Variants in BMP2K observed in about 807,000 individuals in gnomAD.
BMP2K encodes BMP-2-inducible protein kinase.
BMP2K carries 74 observed loss-of-function variants against 116.0 expected under a neutral mutation model. That is an observed-to-expected ratio of 0.64 (90% CI 0.53 to 0.77). BMP2K has a LOEUF of 0.77. Among genes scored for constraint, BMP2K ranks in the 30% least tolerant of loss-of-function variants. BMP2K has a pLI of 0.00. For missense variants in BMP2K, 1,365 were observed against 1,403.6 expected, an observed-to-expected ratio of 0.97 and a Z score of 0.44; for synonymous variants, 486 against 502.5, an observed-to-expected ratio of 0.97 and a Z score of 0.44.
At chr4:78,837,589 A>G (rs1577913788) in intron 3 of BMP2K, among the ~76,000 whole-genome samples, 1 of 152,164 alleles carries the variant, frequency 6.6e-6, no homozygotes, top group Non-Finnish European at 1.5e-5. Context: ...TTCTTGTTTT[A>G]GCTGCAAATC....
intron 1 of BMP2K, among the ~76,000 whole-genome samples, chr4:78,781,117 A>G (rs1727482959): frequency 6.6e-6 from 1 of 152,216 alleles, no homozygotes; most frequent in South Asian, 2.1e-4. Flanking sequence ...TGATGTTGGC[A>G]AGGTGACCAG....
At chr4:78,904,995 T>C (rs1446869665) in intron 15 of BMP2K, among the ~76,000 whole-genome samples, 1 of 151,908 alleles carries the variant, frequency 6.6e-6, no homozygotes, top group African/African-American at 2.4e-5. Context: ...AAAGAAAATT[T>C]AACTCTATAT....
Position 78,870,832 on chromosome 4 carries a change from T to G in BMP2K, c.1281T>G (p.Pro427=), listed in dbSNP as rs1459629461. Reference sequence around the variant, plus strand: ...CTGAAATTTTATTGGGTCAGGGACCTCCTCAGCAGCCGCCACAGCAGCATA... The same window carrying G: ...CTGAAATTTTATTGGGTCAGGGACCGCCTCAGCAGCCGCCACAGCAGCATA... ...NGPEILLGQG[P]PQQPPQQHRV... The change falls in exon 11 of 16, where the codon CCT becomes CCG. Residue 427 remains proline (P), a synonymous_variant. Coordinates refer to ENST00000502613, the MANE Select transcript of BMP2K (RefSeq NM_198892.2). The G allele has an allele frequency of 6.2e-7, 1 of 1,614,088 alleles. No homozygotes were observed. Among genetic ancestry groups the G allele is most frequent in the Non-Finnish European group, 8.5e-7 (1 of 1,180,002 alleles).
chr4:78,776,803 C>A, intron 1 of BMP2K, 82 bp downstream of exon 1: 1 of 1,146,254 alleles, frequency 8.7e-7, no homozygotes, highest in Non-Finnish European at 1.1e-6. Flanking sequence ...CCTCGCCCTC[C>A]GGACTGACTC....
chr4:78,871,379 T>A (rs1732347341), intron 11 of BMP2K, among the ~76,000 whole-genome samples: 1 of 152,210 alleles, frequency 6.6e-6, no homozygotes, highest in Non-Finnish European at 1.5e-5. Context: ...CTAATAATGC[T>A]ATTGTTGGAA....
At chr4:78,802,524 T>C (rs1212161416) in intron 1 of BMP2K, among the ~76,000 whole-genome samples, 1 of 152,226 alleles carries the variant, frequency 6.6e-6, no homozygotes, top group Admixed American at 6.5e-5. Context: ...TTTTCTACCT[T>C]GAAGTTATAC....
chr4:78,781,106 A>G (rs1459272993), intron 1 of BMP2K, among the ~76,000 whole-genome samples: 1 of 152,178 alleles, frequency 6.6e-6, no homozygotes, highest in Non-Finnish European at 1.5e-5. Flanking sequence ...GAGATCCAAG[A>G]TGATGTTGGC....
intron 1 of BMP2K, among the ~76,000 whole-genome samples, chr4:78,817,344 T>G (rs1485978545): frequency 6.6e-6 from 1 of 152,076 alleles, no homozygotes; most frequent in Non-Finnish European, 1.5e-5. Flanking sequence ...GTCTTAGGGG[T>G]CATCTGTACT....
At chr4:78,818,469 G>GCC (rs1729463660) in intron 1 of BMP2K, among the ~76,000 whole-genome samples, 9 of 152,230 alleles carry the variant, frequency 5.9e-5, no homozygotes, top group Non-Finnish European at 1.3e-4. Flanking sequence ...ACTGGCGTGA[G>GCC]ATGGTATCTC....
intron 1 of BMP2K, among the ~76,000 whole-genome samples, chr4:78,798,568 C>T (rs1560504353): frequency 1.3e-5 from 2 of 152,140 alleles, no homozygotes; most frequent in Non-Finnish European, 2.9e-5. Flanking sequence ...CGGTAGTCTT[C>T]CAGCATATCA....
rs1459962133 is a variant in BMP2K at position 78,776,594 on chromosome 4, AGCGGCGGGT to A, written c.53_61del (p.Ala18_Gly20del). ...AGTCGGAGGGCGGCAGCGGCGGCGGAGCGGCGGGTGGCGGGGCTGGCGGGGCCGGGGCCG... is the reference window on the plus strand; with the variant it reads ...AGTCGGAGGGCGGCAGCGGCGGCGGAGGCGGGGCTGGCGGGGCCGGGGCCG... On this transcript the variant is annotated inframe_deletion, in exon 1 of 16. Coordinates refer to ENST00000502613, the MANE Select transcript of BMP2K (RefSeq NM_198892.2). 32 of 1,170,514 alleles carry A rather than the reference AGCGGCGGGT, an allele frequency of 2.7e-5. No individual in the cohort carries two copies. The highest frequency in any genetic ancestry group is 1.6e-5 in the African/African-American group (1 of 61,250). The allele number at this position is 1,170,514 out of a possible 1,614,324, so 72.5% of individuals were successfully genotyped here. A position where few individuals can be genotyped will look rare whatever the true frequency, so the allele number is the denominator to read the frequency against.
At chr4:78,901,331 G>C (rs1338585881) in intron 15 of BMP2K, among the ~76,000 whole-genome samples, 5 of 151,996 alleles carry the variant, frequency 3.3e-5, no homozygotes, top group African/African-American at 1.2e-4. Context: ...AAAGTGCTGG[G>C]ATTACAGGCA....
At chr4:78,822,956 T>C (rs963762062) in intron 1 of BMP2K, among the ~76,000 whole-genome samples, 3 of 152,164 alleles carry the variant, frequency 2.0e-5, no homozygotes, top group Admixed American at 6.5e-5. Context: ...TACCTCCCTG[T>C]AAGTGCATTC....
chr4:78,829,193 A>G (rs1316888950), intron 2 of BMP2K, among the ~76,000 whole-genome samples: 4 of 152,200 alleles, frequency 2.6e-5, no homozygotes, highest in African/African-American at 4.8e-5. Context: ...ATTGGAGGCA[A>G]TCATGTCAAA....
rs1327157736 is a variant in BMP2K, at chr4:78,915,170, A to G, written c.*3137A>G. On this transcript the variant is annotated 3_prime_UTR_variant, in exon 16 of 16. Coordinates refer to ENST00000502613, the MANE Select transcript of BMP2K (RefSeq NM_198892.2). ...TGTACGTGTTGGGTATAGTTACGAC[A>G]TTATCCGGATTTGCAAATAGACACA... 6.6e-6 allele frequency: 1 copy of G among 151,994 alleles called. No homozygotes were observed. The highest frequency in any genetic ancestry group is 2.4e-5 in the African/African-American group (1 of 41,418). 9.4% of individuals were successfully genotyped at this position (151,994 alleles called of 1,614,324 possible). A position where few individuals can be genotyped will look rare whatever the true frequency, so the allele number is the denominator to read the frequency against.
intron 8 of BMP2K, chr4:78,859,988 C>T (rs772944090): frequency 1.1e-5 from 6 of 537,766 alleles, no homozygotes; most frequent in Non-Finnish European, 2.1e-5. Context: ...TTATTTGGGC[C>T]TAACAGTTTA....
chr4:78,817,296 T>TC (rs1428776411), intron 1 of BMP2K, among the ~76,000 whole-genome samples: 2 of 152,190 alleles, frequency 1.3e-5, no homozygotes, highest in Non-Finnish European at 2.9e-5. Flanking sequence ...AGGGACATAG[T>TC]CCAACAAGAC....
chr4:78,848,188 C>T (rs1339866153), intron 6 of BMP2K, among the ~76,000 whole-genome samples: 3 of 151,354 alleles, frequency 2.0e-5, no homozygotes, highest in Non-Finnish European at 1.5e-5. Flanking sequence ...ATCTTTTCAT[C>T]TATATAACAT....
chr4:78,821,810 A>G (rs1283079277), intron 1 of BMP2K, among the ~76,000 whole-genome samples: 1 of 152,216 alleles, frequency 6.6e-6, no homozygotes, highest in Non-Finnish European at 1.5e-5. Context: ...GATACGAAGG[A>G]TAGATACATT....
Sources: allele counts gnomAD v4.1 joint callset (sites outside exome capture counted in the v4.1 genomes callset), GRCh38; gene constraint gnomAD v4.1.1; transcripts MANE v1.5; gene names NCBI Gene and HGNC (gene_info 2026-07-23, HGNC 2026-07-21).